DCLK1: variants seen among roughly 807,000 people sequenced by gnomAD.
DCLK1 encodes doublecortin like kinase 1.
In DCLK1, 16 loss-of-function variants were observed where a neutral mutation model predicts 86.2. The ratio of observed to expected loss-of-function variants is 0.19; its 90% CI spans 0.13 to 0.28. The LOEUF (loss-of-function observed/expected upper bound fraction) is 0.28, where lower values mean the gene tolerates loss of function less well. Among genes scored for constraint, DCLK1 ranks in the 10% least tolerant of loss-of-function variants. The pLI is 1.00. For missense variants in DCLK1, 590 were observed against 940.2 expected, an observed-to-expected ratio of 0.63 and a Z score of 4.87; for synonymous variants, 369 against 370.5, an observed-to-expected ratio of 1.00 and a Z score of 0.05.
At chr13:35,918,569 G>A (rs1875571743) in intron 4 of DCLK1, among the ~76,000 whole-genome samples, 1 of 152,178 alleles carries the variant, frequency 6.6e-6, no homozygotes, top group Non-Finnish European at 1.5e-5. Flanking sequence ...AAAGGGCTTA[G>A]ATTCCAACTC....
Position 35,936,962 on chromosome 13 carries a change from C to CTTTTTTTTTTTTTTTTTTTTTTTTTT in DCLK1, c.823+10395_823+10396insAAAAAAAAAAAAAAAAAAAAAAAAAA, listed in dbSNP as rs140269668. Among the ~76,000 whole-genome samples the CTTTTTTTTTTTTTTTTTTTTTTTTTT allele has an allele frequency of 3.5e-4, 23 of 65,736 alleles. 1 individual carries two copies. The highest frequency in any genetic ancestry group is 6.2e-4 in the East Asian group (1 of 1,620). 43.1% of individuals were successfully genotyped at this position (65,736 alleles called of 152,430 possible). A position where few individuals can be genotyped will look rare whatever the true frequency, so the allele number is the denominator to read the frequency against. ...TTAAAACATCCAAAAGAAAAGTTAG[C>CTTTTTTTTTTTTTTTTTTTTTTTTTT]TTTTTTTTTTTTTTTTTTTTTTTTT... On this transcript the variant is annotated intron_variant, in intron 4 of 16. Coordinates refer to ENST00000360631, the MANE Select transcript of DCLK1 (RefSeq NM_001330071.2).
chr13:35,823,529 A>T (rs1566551489), intron 10 of DCLK1, among the ~76,000 whole-genome samples: 1 of 152,152 alleles, frequency 6.6e-6, no homozygotes, highest in Non-Finnish European at 1.5e-5. Context: ...AAGGGGGGGA[A>T]ATCTCAAAGA....
intron 2 of DCLK1, among the ~76,000 whole-genome samples, chr13:36,114,800 G>A (rs182373279): frequency 2.0e-4 from 31 of 152,194 alleles, no homozygotes; most frequent in Non-Finnish European, 2.5e-4. Context: ...AATTATCATC[G>A]ATTATTATAA....
At chr13:36,091,554 A>G (rs1884829857) in intron 3 of DCLK1, among the ~76,000 whole-genome samples, 1 of 152,100 alleles carries the variant, frequency 6.6e-6, no homozygotes, top group South Asian at 2.1e-4. Context: ...AAATAACCCA[A>G]ACTTCAGAGA....
intron 3 of DCLK1, among the ~76,000 whole-genome samples, chr13:36,094,365 A>G (rs1884931301): frequency 1.3e-5 from 2 of 152,180 alleles, no homozygotes; most frequent in Admixed American, 1.3e-4. Context: ...TCCTATATTT[A>G]ACCAATGGTT....
intron 3 of DCLK1, among the ~76,000 whole-genome samples, chr13:36,093,952 C>T (rs1219583789): frequency 2.0e-5 from 3 of 151,980 alleles, no homozygotes; most frequent in African/African-American, 7.3e-5. Context: ...CGGGGTCTCA[C>T]CATATTGTCC....
intron 4 of DCLK1, among the ~76,000 whole-genome samples, chr13:35,901,800 GACTC>G (rs1874382890): frequency 6.6e-6 from 1 of 152,198 alleles, no homozygotes; most frequent in African/African-American, 2.4e-5. Flanking sequence ...CCAAGGAGGG[GACTC>G]ACTCACTGCC....
At chr13:36,037,234 A>AAG (rs2153154420) in intron 3 of DCLK1, among the ~76,000 whole-genome samples, 1 of 152,300 alleles carries the variant, frequency 6.6e-6, no homozygotes, top group African/African-American at 2.4e-5. Context: ...TGGTTACCAG[A>AAG]AGCCAGAAAG....
At chr13:35,896,148 G>A (rs1414722498) in intron 4 of DCLK1, among the ~76,000 whole-genome samples, 3 of 152,036 alleles carry the variant, frequency 2.0e-5, no homozygotes, top group African/African-American at 7.2e-5. Context: ...GAAGAAAATT[G>A]GTAAGATTTG....
In DCLK1 at chr13:35,850,145, C is replaced by T. The variant is rs1043105417; in HGVS notation, c.1035+4354G>A. 5.1e-6 allele frequency: 5 copies of T among 984,826 alleles called. No individual in the cohort carries two copies. The African/African-American group carries it at 7.0e-5, about 14-fold the overall frequency. 61.0% of individuals were successfully genotyped at this position (984,826 alleles called of 1,614,324 possible). A position where few individuals can be genotyped will look rare whatever the true frequency, so the allele number is the denominator to read the frequency against. On this transcript the variant is annotated intron_variant, in intron 6 of 16. Coordinates refer to ENST00000360631, the MANE Select transcript of DCLK1 (RefSeq NM_001330071.2). ...TTTTTCTCTCGGATGTACTAACCCA[C>T]AAAACAGTAAGTAGCTTTTTCTACT...
intron 4 of DCLK1, among the ~76,000 whole-genome samples, chr13:35,925,588 A>C (rs1876067718): frequency 6.6e-6 from 1 of 152,158 alleles, no homozygotes; most frequent in Non-Finnish European, 1.5e-5. Context: ...GGTTAACAAA[A>C]AGTCTTATTC....
chr13:36,083,077 C>CA (rs1222398869), intron 3 of DCLK1, among the ~76,000 whole-genome samples: 1 of 149,008 alleles, frequency 6.7e-6, no homozygotes, highest in Non-Finnish European at 1.5e-5. Context: ...GCAATGTACC[C>CA]ACCGATTCCA....
chr13:35,832,323 T>C (rs1225129724), intron 8 of DCLK1, among the ~76,000 whole-genome samples: 1 of 152,096 alleles, frequency 6.6e-6, no homozygotes. Flanking sequence ...GGTGTGGAAA[T>C]GGCTAGCAAA....
chr13:35,999,533 T>A (rs951889293), intron 3 of DCLK1, among the ~76,000 whole-genome samples: 1 of 152,098 alleles, frequency 6.6e-6, no homozygotes, highest in Non-Finnish European at 1.5e-5. Flanking sequence ...TGCTTCTTCC[T>A]CTCAGGACCA....
At chr13:35,978,203 C>CTTTTTTTT (rs11311688) in intron 3 of DCLK1, among the ~76,000 whole-genome samples, 35 of 82,754 alleles carry the variant, frequency 4.2e-4, no homozygotes, top group African/African-American at 4.9e-4. Context: ...CTTTTCTTTT[C>CTTTTTTTT]TTTTTTTTTT....
chr13:36,096,791 C>A (rs1885036221), intron 3 of DCLK1, among the ~76,000 whole-genome samples: 1 of 152,056 alleles, frequency 6.6e-6, no homozygotes, highest in Non-Finnish European at 1.5e-5. Flanking sequence ...AATGGGGCCC[C>A]AAGAAGGTAG....
intron 16 of DCLK1, among the ~76,000 whole-genome samples, chr13:35,783,745 C>T (rs2153098134): frequency 6.6e-6 from 1 of 152,124 alleles, no homozygotes; most frequent in East Asian, 1.9e-4. Flanking sequence ...CCACCATGCC[C>T]AGCTAATTTT....
rs1350492421 is a variant in DCLK1, at chr13:35,769,234, C to T, written c.*5301G>A. On this transcript the variant is annotated 3_prime_UTR_variant, in exon 17 of 17. Coordinates refer to ENST00000360631, the MANE Select transcript of DCLK1 (RefSeq NM_001330071.2). ...TCTGAAAATCAAAGATTAACCTATG[C>T]CATCTGATCCATGCAGCAAGTGATA... 1 of 152,110 alleles carries T rather than the reference C, an allele frequency of 6.6e-6. No homozygotes were observed. Among genetic ancestry groups the T allele is most frequent in the Non-Finnish European group, 1.5e-5 (1 of 68,020 alleles). 9.4% of individuals were successfully genotyped at this position (152,110 alleles called of 1,614,324 possible).
At chr13:35,867,829 C>T (rs1022821508) in intron 5 of DCLK1, among the ~76,000 whole-genome samples, 1 of 116,750 alleles carries the variant, frequency 8.6e-6, no homozygotes, top group Non-Finnish European at 1.9e-5. Flanking sequence ...CATTCCCCAT[C>T]TTTATTGACT....
Sources: allele counts gnomAD v4.1 joint callset (sites outside exome capture counted in the v4.1 genomes callset), GRCh38; gene constraint gnomAD v4.1.1; transcripts MANE v1.5; gene names NCBI Gene and HGNC (gene_info 2026-07-23, HGNC 2026-07-21).